Variants in MFSD11 observed in about 807,000 individuals in gnomAD.
The protein encoded by MFSD11 is UNC93-like protein MFSD11.
MFSD11 carries 36 observed loss-of-function variants against 53.5 expected under a neutral mutation model. That is an observed-to-expected ratio of 0.67 (90% CI 0.52 to 0.89). MFSD11 has a LOEUF of 0.89. Ranked by LOEUF, MFSD11 falls within the 40% of genes least tolerant of loss-of-function variation. MFSD11 has a pLI of 0.00. For missense variants in MFSD11, 530 were observed against 543.9 expected, an observed-to-expected ratio of 0.97 and a Z score of 0.25; for synonymous variants, 186 against 184.9, an observed-to-expected ratio of 1.01 and a Z score of -0.05.
chr17:76,761,708 G>C (rs1020134434), intron 8 of MFSD11, among the ~76,000 whole-genome samples: 3 of 151,284 alleles, frequency 2.0e-5, no homozygotes, highest in African/African-American at 7.3e-5. Context: ...GGATCATGAG[G>C]TCAGGAGATC....
At chr17:76,768,572 C>T (rs1434099603) in intron 9 of MFSD11, among the ~76,000 whole-genome samples, 1 of 152,114 alleles carries the variant, frequency 6.6e-6, no homozygotes, top group Non-Finnish European at 1.5e-5. Flanking sequence ...TACTGATTTA[C>T]TCTAATTTTT....
At chr17:76,761,649 G>T (rs746943370) in intron 8 of MFSD11, among the ~76,000 whole-genome samples, 3 of 152,116 alleles carry the variant, frequency 2.0e-5, no homozygotes, top group Non-Finnish European at 2.9e-5. Flanking sequence ...CTGGCCGGGC[G>T]CAGTGGCTCA....
the MFSD11 span, among the ~76,000 whole-genome samples, chr17:76,787,540 A>G: frequency 1.3e-5 from 2 of 150,346 alleles, no homozygotes; most frequent in South Asian, 2.2e-4. Context: ...ATATGGCCTA[A>G]GTGTCTAGTT....
At chr17:76,757,405 A>G (rs564246649) in intron 8 of MFSD11, among the ~76,000 whole-genome samples, 3 of 152,266 alleles carry the variant, frequency 2.0e-5, no homozygotes, top group Admixed American at 6.5e-5. Flanking sequence ...CACAACAGGA[A>G]GTCGTGAGGT....
At chr17:76,759,756 CTTTTTTTTTTTTTTTTT>C (rs1159131964) in intron 8 of MFSD11, among the ~76,000 whole-genome samples, 6 of 27,006 alleles carry the variant, frequency 2.2e-4, no homozygotes, top group Admixed American at 6.5e-4. Context: ...CGTGACCGGC[CTTTTTTTTTTTTTTTTT>C]TTTTTTTTTT....
the MFSD11 span, among the ~76,000 whole-genome samples, chr17:76,787,023 G>C: frequency 9.2e-5 from 14 of 151,388 alleles, no homozygotes; most frequent in East Asian, 1.8e-3. Context: ...TGCAGGCTTT[G>C]TATCAATACA....
intron 8 of MFSD11, among the ~76,000 whole-genome samples, chr17:76,764,087 A>G (rs1030659593): frequency 6.6e-6 from 1 of 151,650 alleles, no homozygotes; most frequent in East Asian, 1.9e-4. Flanking sequence ...CTAATCTTGA[A>G]CTCTGGGCCT....
At position 76,744,404 on chromosome 17, in the gene MFSD11, A is replaced by G; in HGVS notation, c.579A>G (p.Pro193=). ...TTCTATTCTTTCTCATTCGGAAACC[A>G]GATTCTGAAAATGTCCTAGGAGAAG... ...GTVLFFLIRK[P]DSENVLGEDE... The change falls in exon 7 of 13, where the codon CCA becomes CCG. Residue 193 remains proline, a synonymous_variant. Coordinates refer to ENST00000685175, the MANE Select transcript of MFSD11 (RefSeq NM_001242532.5). 2.5e-6 allele frequency: 4 copies of G among 1,614,134 alleles called. No homozygotes were observed. The highest frequency in any genetic ancestry group is 3.4e-6 in the Non-Finnish European group (4 of 1,179,978).
intron 8 of MFSD11, among the ~76,000 whole-genome samples, chr17:76,758,337 T>C (rs573905893): frequency 9.9e-5 from 15 of 152,234 alleles, no homozygotes; most frequent in African/African-American, 3.4e-4. Flanking sequence ...ACCAGCACTT[T>C]GGGAAGCCAA....
rs994370288 is a variant in MFSD11, at chr17:76,778,674, C to T, written c.*322C>T. 14 of 241,682 alleles carry T rather than the reference C, an allele frequency of 5.8e-5. No homozygotes were observed. The highest frequency in any genetic ancestry group is 3.1e-4 in the African/African-American group (14 of 44,890). 15.0% of individuals were successfully genotyped at this position (241,682 alleles called of 1,614,324 possible). On this transcript the variant is annotated 3_prime_UTR_variant, in exon 13 of 13. Coordinates refer to ENST00000685175, the MANE Select transcript of MFSD11 (RefSeq NM_001242532.5). ...TCTCTCCTGCTCTTGTTGGAAGATC[C>T]TGCCTTGATTTAGAATACTAGGCCA...
chr17:76,787,133 CTTTTTTT>C, the MFSD11 span, among the ~76,000 whole-genome samples: 3 of 114,954 alleles, frequency 2.6e-5, no homozygotes, highest in Non-Finnish European at 3.7e-5. Flanking sequence ...TGAGTGATTT[CTTTTTTT>C]TTTTTTTTTT....
At chr17:76,748,175 A>T (rs1187253694) in intron 7 of MFSD11, 1 of 152,336 alleles carries the variant, frequency 6.6e-6, no homozygotes. Flanking sequence ...GGCCTTTGCC[A>T]AAGCCAGGCA....
At chr17:76,763,204 A>G (rs908344381) in intron 8 of MFSD11, among the ~76,000 whole-genome samples, 2 of 151,676 alleles carry the variant, frequency 1.3e-5, no homozygotes, top group African/African-American at 4.8e-5. Flanking sequence ...TTACATTTCT[A>G]CTAGCAGAGG....
At chr17:76,772,187 G>C in intron 10 of MFSD11, among the ~76,000 whole-genome samples, 1 of 152,130 alleles carries the variant, frequency 6.6e-6, no homozygotes, top group East Asian at 1.9e-4. Context: ...TTGGGGAGCT[G>C]AGGTGGGCAG....
chr17:76,767,360 G>A (rs2080942840), intron 8 of MFSD11, 26 bp from the exon 9 acceptor site: 6 of 1,407,878 alleles, frequency 4.3e-6, no homozygotes, highest in African/African-American at 2.8e-5. Context: ...ATCTAATTAA[G>A]TACTCTTAAA....
intron 8 of MFSD11, among the ~76,000 whole-genome samples, chr17:76,764,304 A>G (rs1308426797): frequency 6.6e-6 from 1 of 151,350 alleles, no homozygotes. Flanking sequence ...CAAGTATACA[A>G]TAGAGTGTTA....
intron 8 of MFSD11, among the ~76,000 whole-genome samples, chr17:76,763,691 C>T (rs1216225777): frequency 6.6e-6 from 1 of 151,912 alleles, no homozygotes; most frequent in African/African-American, 2.4e-5. Context: ...CATTTTGTTT[C>T]AGCAAACGCT....
At chr17:76,742,299 T>C in intron 5 of MFSD11, 26 bp downstream of exon 5, 2 of 1,570,508 alleles carry the variant, frequency 1.3e-6, no homozygotes, top group Non-Finnish European at 1.7e-6. Flanking sequence ...AGGTTCAGTC[T>C]TTCCTTTTCT....
chr17:76,757,502 A>T (rs1467166462), intron 8 of MFSD11, among the ~76,000 whole-genome samples: 2 of 152,152 alleles, frequency 1.3e-5, no homozygotes, highest in Admixed American at 6.6e-5. Context: ...TTCATTTATT[A>T]ATTAATCATG....
Sources: gnomAD v4.1 joint callset for allele counts (sites outside exome capture counted in the v4.1 genomes callset) on GRCh38, gnomAD v4.1.1 for gene constraint, MANE v1.5 for transcripts, NCBI Gene and HGNC (gene_info 2026-07-23, HGNC 2026-07-21) for gene names.